Variants in DNAJB6 observed in about 807,000 individuals in gnomAD.
DNAJB6 encodes dnaJ homolog subfamily B member 6.
DNAJB6 carries 16 observed loss-of-function variants against 42.7 expected under a neutral mutation model. That is an observed-to-expected ratio of 0.37 (90% CI 0.25 to 0.57). The LOEUF (loss-of-function observed/expected upper bound fraction) is 0.57, where lower values mean the gene tolerates loss of function less well. Ranked by LOEUF, DNAJB6 falls within the 20% of genes least tolerant of loss-of-function variation. The probability of loss-of-function intolerance (pLI) is 0.74; values close to 1 mark genes in which losing one functional copy is unlikely to be tolerated. For synonymous variants in DNAJB6, 170 were observed against 163.5 expected (o/e 1.04, Z -0.30); for missense variants, 347 against 416.8 (o/e 0.83, Z 1.46).
intron 8 of DNAJB6, among the ~76,000 whole-genome samples, chr7:157,405,942 G>C (rs917233988): frequency 2.0e-5 from 3 of 152,258 alleles, no homozygotes; most frequent in African/African-American, 7.2e-5. Flanking sequence ...CCACAGTGCA[G>C]GTTAGAACCT....
At chr7:157,348,630 A>G (rs1798810620) in intron 1 of DNAJB6, among the ~76,000 whole-genome samples, 1 of 152,080 alleles carries the variant, frequency 6.6e-6, no homozygotes, top group African/African-American at 2.4e-5. Context: ...TCACTCTCTT[A>G]AGTCCATCTC....
chr7:157,368,544 A>G (rs1799953700), intron 5 of DNAJB6: 2 of 152,486 alleles, frequency 1.3e-5, no homozygotes, highest in East Asian at 1.9e-4. Flanking sequence ...GTTTGATTGT[A>G]GGAAAATGGA....
chr7:157,359,806 C>CG (rs1563120581), intron 2 of DNAJB6, among the ~76,000 whole-genome samples: 5 of 152,262 alleles, frequency 3.3e-5, no homozygotes, highest in African/African-American at 1.2e-4. Flanking sequence ...GCAACCAAGC[C>CG]GAGACCCTGT....
intron 1 of DNAJB6, among the ~76,000 whole-genome samples, chr7:157,352,106 C>T (rs918996149): frequency 9.2e-5 from 14 of 151,660 alleles, no homozygotes; most frequent in Middle Eastern, 3.4e-3. Flanking sequence ...CTGAGGTGAG[C>T]GGATAACGAG....
At chr7:157,404,176 C>T (rs1469198280) in intron 8 of DNAJB6, among the ~76,000 whole-genome samples, 1 of 151,716 alleles carries the variant, frequency 6.6e-6, no homozygotes, top group Non-Finnish European at 1.5e-5. Context: ...ACTATGTTGC[C>T]CAGGCTGGTC....
chr7:157,358,412 C>T (rs1431729760), intron 1 of DNAJB6, 135 bp from the exon 2 acceptor site: 2 of 615,082 alleles, frequency 3.3e-6, no homozygotes, highest in South Asian at 2.0e-5. Flanking sequence ...GTGGTTAGCT[C>T]TAGTGGAAGT....
intron 8 of DNAJB6, among the ~76,000 whole-genome samples, chr7:157,403,623 C>T (rs1472052060): frequency 6.6e-6 from 1 of 152,090 alleles, no homozygotes; most frequent in Non-Finnish European, 1.5e-5. Context: ...AGGTGTGCAC[C>T]CCTGTGCCCT....
intron 5 of DNAJB6, chr7:157,378,835 T>C (rs1002562087): frequency 2.0e-5 from 3 of 149,026 alleles, no homozygotes; most frequent in Non-Finnish European, 4.6e-5. Flanking sequence ...TAGCTCTTAC[T>C]TGAAATAAGG....
intron 2 of DNAJB6, among the ~76,000 whole-genome samples, chr7:157,362,546 G>A (rs1002415595): frequency 6.6e-6 from 1 of 152,016 alleles, no homozygotes; most frequent in East Asian, 1.9e-4. Context: ...GGCTAATTTT[G>A]TATTTTTAGT....
At chr7:157,357,385 G>A (rs557371902) in intron 1 of DNAJB6, among the ~76,000 whole-genome samples, 6 of 148,838 alleles carry the variant, frequency 4.0e-5, no homozygotes, top group African/African-American at 1.5e-4. Context: ...CACGATGTCA[G>A]CTCACTGCAG....
chr7:157,403,175 C>T (rs1795602419), intron 8 of DNAJB6, among the ~76,000 whole-genome samples: 1 of 152,130 alleles, frequency 6.6e-6, no homozygotes, highest in Admixed American at 6.5e-5. Flanking sequence ...CTATGAGTCT[C>T]TGATCAGCCT....
chr7:157,375,382 A>G (rs1800420304), intron 5 of DNAJB6, among the ~76,000 whole-genome samples: 2 of 152,218 alleles, frequency 1.3e-5, no homozygotes, highest in African/African-American at 2.4e-5. Context: ...TTGAAATAGA[A>G]TAATTTGATT....
intron 1 of DNAJB6, among the ~76,000 whole-genome samples, chr7:157,354,648 A>G (rs1422033907): frequency 1.3e-5 from 2 of 152,076 alleles, no homozygotes; most frequent in Admixed American, 6.6e-5. Context: ...CAATATCTGC[A>G]CATTTATAAG....
intron 8 of DNAJB6, among the ~76,000 whole-genome samples, chr7:157,407,228 G>A (rs778097598): frequency 6.6e-6 from 1 of 152,232 alleles, no homozygotes; most frequent in African/African-American, 2.4e-5. Flanking sequence ...TCCGCGTGGA[G>A]TGGGGCGAGT....
chr7:157,346,753 G>T (rs980227043), intron 1 of DNAJB6, among the ~76,000 whole-genome samples: 2 of 152,238 alleles, frequency 1.3e-5, no homozygotes, highest in African/African-American at 4.8e-5. Flanking sequence ...GAGTGAGCTT[G>T]CAGCAAACAG....
intron 1 of DNAJB6, among the ~76,000 whole-genome samples, chr7:157,351,803 T>TA (rs1258588372): frequency 9.7e-4 from 144 of 148,120 alleles, no homozygotes; most frequent in Non-Finnish European, 1.2e-3. Flanking sequence ...GTGTCTACTT[T>TA]AAAAAAAACC....
rs758309837 is a variant in DNAJB6, at chr7:157,358,596, A to G, written c.24A>G (p.Leu8=). Reference sequence around the variant, plus strand: ...ACATGGTGGATTACTATGAAGTTCTAGGCGTGCAGAGACATGCCTCACCCG... The same window carrying G: ...ACATGGTGGATTACTATGAAGTTCTGGGCGTGCAGAGACATGCCTCACCCG... The part of the protein sequence containing the change: MVDYYEV[L]GVQRHASPED... Residue 8 remains leucine (L), a synonymous_variant, in exon 2 of 10, where the codon CTA becomes CTG. Transcript: ENST00000262177. 2 of 1,613,806 alleles carry G rather than the reference A, an allele frequency of 1.2e-6. No homozygotes were observed. Among genetic ancestry groups the G allele is most frequent in the African/African-American group, 2.7e-5 (2 of 74,942 alleles).
intron 5 of DNAJB6, among the ~76,000 whole-genome samples, chr7:157,371,120 G>A (rs913832697): frequency 4.6e-5 from 7 of 152,076 alleles, no homozygotes; most frequent in African/African-American, 1.2e-4. Context: ...CCTAGGTTGC[G>A]CATTCCTCAT....
chr7:157,365,065 T>C (rs1260497798), intron 3 of DNAJB6, among the ~76,000 whole-genome samples: 1 of 152,190 alleles, frequency 6.6e-6, no homozygotes, highest in East Asian at 1.9e-4. Context: ...GATTCTCCCA[T>C]CTCGGCTTCC....
Sources: gnomAD v4.1 joint callset for allele counts (sites outside exome capture counted in the v4.1 genomes callset) on GRCh38, gnomAD v4.1.1 for gene constraint, MANE v1.5 for transcripts, NCBI Gene and HGNC (gene_info 2026-07-23, HGNC 2026-07-21) for gene names.